Variants in ADCK1 observed in about 807,000 individuals in gnomAD.
The protein encoded by ADCK1 is aarF domain-containing protein kinase 1.
A neutral mutation model predicts 52.3 loss-of-function variants in ADCK1; 41 were observed. The observed-to-expected ratio is 0.78, with a 90% confidence interval of 0.61 to 1.02. ADCK1 has a LOEUF of 1.02. Among genes scored for constraint, ADCK1 ranks in the 50% least tolerant of loss-of-function variants. The pLI, the probability that ADCK1 is intolerant of heterozygous loss-of-function variation, is 0.00. For synonymous variants in ADCK1, 250 were observed against 274.6 expected, an observed-to-expected ratio of 0.91 and a Z score of 0.89; for missense variants, 658 against 679.5, an observed-to-expected ratio of 0.97 and a Z score of 0.35.
chr14:77,815,992 AG>A (rs1450829153), intron 1 of ADCK1, among the ~76,000 whole-genome samples: 1 of 151,616 alleles, frequency 6.6e-6, no homozygotes. Context: ...ATGTTAATAG[AG>A]ATGGGGTTTC....
intron 1 of ADCK1, among the ~76,000 whole-genome samples, chr14:77,810,268 C>T (rs1413101723): frequency 6.6e-6 from 1 of 151,532 alleles, no homozygotes. Flanking sequence ...GGACACACCA[C>T]CATGCCCAGC....
chr14:77,813,605 G>A (rs1172866237), intron 1 of ADCK1, among the ~76,000 whole-genome samples: 2 of 151,964 alleles, frequency 1.3e-5, no homozygotes, highest in African/African-American at 4.8e-5. Flanking sequence ...CACGTGCCCA[G>A]CCTGAGTTTC....
At chr14:77,880,129 C>T (rs1358018630) in intron 4 of ADCK1, among the ~76,000 whole-genome samples, 2 of 152,218 alleles carry the variant, frequency 1.3e-5, no homozygotes, top group Admixed American at 1.3e-4. Flanking sequence ...CACAGCCATC[C>T]TGGAGTATGG....
intron 3 of ADCK1, among the ~76,000 whole-genome samples, chr14:77,831,857 C>A (rs982441215): frequency 5.9e-5 from 9 of 152,176 alleles, no homozygotes; most frequent in Admixed American, 3.9e-4. Flanking sequence ...GAGTAAGGGG[C>A]TAAGGTCGGG....
At chr14:77,841,947 G>T (rs1187987392) in intron 3 of ADCK1, among the ~76,000 whole-genome samples, 1 of 151,764 alleles carries the variant, frequency 6.6e-6, no homozygotes, top group Non-Finnish European at 1.5e-5. Flanking sequence ...GTTACTTGAG[G>T]CCTGGAGTTC....
intron 4 of ADCK1, among the ~76,000 whole-genome samples, chr14:77,872,580 C>G (rs1193685929): frequency 6.6e-6 from 1 of 151,472 alleles, no homozygotes; most frequent in Non-Finnish European, 1.5e-5. Flanking sequence ...GGGGGCTGGC[C>G]TTGGGGGGAG....
intron 7 of ADCK1, among the ~76,000 whole-genome samples, chr14:77,921,184 A>G (rs10147360): frequency 0.73 from 109,508 of 150,124 alleles, 40,288 homozygotes; most frequent in African/African-American, 0.78. Context: ...AAAATTAGCC[A>G]GGCGTGGTGG....
intron 7 of ADCK1, among the ~76,000 whole-genome samples, chr14:77,915,211 T>C (rs1387960238): frequency 2.0e-5 from 3 of 152,052 alleles, no homozygotes; most frequent in Non-Finnish European, 2.9e-5. Flanking sequence ...ACTTTAAGTT[T>C]TAGGGTACAT....
chr14:77,826,257 G>A (rs959558947), intron 3 of ADCK1, among the ~76,000 whole-genome samples: 3 of 152,194 alleles, frequency 2.0e-5, no homozygotes, highest in African/African-American at 4.8e-5. Flanking sequence ...CCATTGGAGC[G>A]CTTATCCCTT....
At chr14:77,907,165 C>T (rs1400244799) in intron 6 of ADCK1, among the ~76,000 whole-genome samples, 3 of 152,190 alleles carry the variant, frequency 2.0e-5, no homozygotes, top group African/African-American at 7.2e-5. Flanking sequence ...CCACCTGCCC[C>T]AGCCTCCCAA....
At chr14:77,863,452 A>G (rs898866825) in intron 4 of ADCK1, among the ~76,000 whole-genome samples, 3 of 151,702 alleles carry the variant, frequency 2.0e-5, no homozygotes, top group Non-Finnish European at 4.4e-5. Context: ...TTGGTCATGC[A>G]CACACATACA....
intron 5 of ADCK1, among the ~76,000 whole-genome samples, chr14:77,888,001 C>A (rs1030917383): frequency 5.3e-5 from 8 of 152,206 alleles, no homozygotes; most frequent in African/African-American, 1.7e-4. Flanking sequence ...TATTGAGGGT[C>A]TTCTGCACCC....
chr14:77,839,855 G>A (rs891654601), intron 3 of ADCK1, among the ~76,000 whole-genome samples: 6 of 149,044 alleles, frequency 4.0e-5, no homozygotes, highest in African/African-American at 1.2e-4. Context: ...GGAAGTCGAG[G>A]CTGCAGCAAG....
intron 4 of ADCK1, among the ~76,000 whole-genome samples, chr14:77,886,034 C>A (rs1281285206): frequency 6.6e-6 from 1 of 152,170 alleles, no homozygotes; most frequent in Non-Finnish European, 1.5e-5. Flanking sequence ...TTTTCTACTT[C>A]ATAGAAAAAG....
chr14:77,905,303 G>GTTTTTTTTTTTTTTTTTTTTTTTTTTTT (rs1566722295), intron 6 of ADCK1, among the ~76,000 whole-genome samples: 1 of 65,340 alleles, frequency 1.5e-5, no homozygotes, highest in South Asian at 4.0e-4. Flanking sequence ...TTTCCTAGCT[G>GTTTTTTTTTTTTTTTTTTTTTTTTTTTT]GTTTTTTTTT....
At chr14:77,844,237 T>G (rs1041997135) in intron 3 of ADCK1, among the ~76,000 whole-genome samples, 1 of 152,044 alleles carries the variant, frequency 6.6e-6, no homozygotes, top group Non-Finnish European at 1.5e-5. Flanking sequence ...CACACCACCA[T>G]GCCCGGTGAA....
At chr14:77,906,805 A>ATCTG (rs1269474601) in intron 6 of ADCK1, among the ~76,000 whole-genome samples, 1 of 152,202 alleles carries the variant, frequency 6.6e-6, no homozygotes, top group South Asian at 2.1e-4. Context: ...TTTTAAATCA[A>ATCTG]GGAAATAAAA....
intron 1 of ADCK1, among the ~76,000 whole-genome samples, chr14:77,804,808 A>T (rs986246928): frequency 1.4e-4 from 22 of 152,284 alleles, no homozygotes; most frequent in African/African-American, 4.6e-4. Flanking sequence ...TTGGCAAATG[A>T]CAGCCTGAGG....
intron 3 of ADCK1, among the ~76,000 whole-genome samples, chr14:77,858,448 G>C (rs1287440173): frequency 1.3e-5 from 2 of 151,936 alleles, no homozygotes; most frequent in Non-Finnish European, 2.9e-5. Context: ...CACCATCTTG[G>C]CCAGGCTGGT....
Sources: allele counts gnomAD v4.1 joint callset (sites outside exome capture counted in the v4.1 genomes callset), GRCh38; gene constraint gnomAD v4.1.1; transcripts MANE v1.5; gene names NCBI Gene and HGNC (gene_info 2026-07-23, HGNC 2026-07-21).